Variants in C14orf180 observed in about 807,000 individuals in gnomAD.
C14orf180 encodes chromosome 14 open reading frame 180, also known as nutritionally-regulated adipose and cardiac enriched protein homolog.
Under a neutral mutation model 13.9 loss-of-function variants are expected in C14orf180, and 13 were observed. The ratio of observed to expected loss-of-function variants is 0.94; its 90% CI spans 0.61 to 1.49. The LOEUF (loss-of-function observed/expected upper bound fraction) is 1.49, where lower values mean the gene tolerates loss of function less well. C14orf180 is among the 40% of genes most tolerant of loss of function. The pLI is 0.00. For synonymous variants in C14orf180, 113 were observed against 106.3 expected, an observed-to-expected ratio of 1.06 and a Z score of -0.39; for missense variants, 238 against 232.0, an observed-to-expected ratio of 1.03 and a Z score of -0.17.
intron 1 of C14orf180, among the ~76,000 whole-genome samples, chr14:104,585,479 T>C (rs1343508065): frequency 1.3e-5 from 2 of 152,078 alleles, no homozygotes; most frequent in African/African-American, 4.8e-5. Flanking sequence ...AAATTCACAC[T>C]TGGGGGGCTC....
At position 104,588,972 on chromosome 14, in the gene C14orf180, G is replaced by A. The variant is rs1886750469; in HGVS notation, c.*189G>A. On this transcript the variant is annotated 3_prime_UTR_variant, in exon 5 of 5. Transcript: ENST00000557649. ...TCGGACATGGGGGGCACAGCAGGCG[G>A]CCCCGCCACACTAGTCAGCACAGCC... 7 of 1,254,294 alleles carry A rather than the reference G, an allele frequency of 5.6e-6. No individual in the cohort carries two copies. Among genetic ancestry groups the A allele is most frequent in the Admixed American group, 2.9e-5 (1 of 34,882 alleles). 77.7% of individuals were successfully genotyped at this position (1,254,294 alleles called of 1,614,324 possible).
Position 104,589,551 on chromosome 14 carries a change from A to T in C14orf180, c.*768A>T, listed in dbSNP as rs1037265699. On this transcript the variant is annotated 3_prime_UTR_variant, in exon 5 of 5. Transcript: ENST00000557649. This position sits in a 1 kb window ranked among gnomAD's most constrained non-coding sequence, Gnocchi z 4.9. ...CAGCTGGGGCCTGTGGGTCCCGGAG[A>T]CCGTCTGTGGTTGTGGCTTTGTCGC... The T allele has an allele frequency of 1.3e-5, 2 of 152,602 alleles. No individual in the cohort carries two copies. The highest frequency in any genetic ancestry group is 2.9e-5 in the Non-Finnish European group (2 of 68,100). 9.5% of individuals were successfully genotyped at this position (152,602 alleles called of 1,614,324 possible).
At chr14:104,583,610 C>T (rs1335704418) in intron 1 of C14orf180, among the ~76,000 whole-genome samples, 2 of 152,010 alleles carry the variant, frequency 1.3e-5, no homozygotes, top group Non-Finnish European at 2.9e-5. Flanking sequence ...GGGGGAGGTG[C>T]TGTCCCGTAG....
chr14:104,587,855 A>G lies in C14orf180; in HGVS notation c.218A>G (p.Glu73Gly). ...QRTSRRVWFR[E>G]PPAVTVHYIA... ...ACCTCGAGGCGCGTGTGGTTCCGAG[A>G]ACCCCCAGCGGTGACCGTCCACTGT... is the stretch of plus-strand genomic sequence containing the variant. Residue 73 changes from glutamate to glycine, a missense_variant, in exon 3 of 5, where the codon GAA becomes GGA. Coordinates refer to ENST00000557649, the MANE Select transcript of C14orf180 (RefSeq NM_001008404.3). 6.2e-7 allele frequency: 1 copy of G among 1,610,050 alleles called. No homozygotes were observed. The highest frequency in any genetic ancestry group is 1.1e-5 in the South Asian group (1 of 90,206).
In C14orf180 at chr14:104,580,124, G is replaced by A. The variant is rs537516268; in HGVS notation, c.-17+121G>A. The A allele has an allele frequency of 2.6e-5, 4 of 152,432 alleles. No individual in the cohort carries two copies. In the South Asian group the frequency reaches 6.2e-4, roughly 24 times the overall value. 9.4% of individuals were successfully genotyped at this position (152,432 alleles called of 1,614,324 possible). The stretch of plus-strand genomic sequence containing the variant: ...CCTGCCCCAGCTGGGCAGCAGGTGT[G>A]GGCAGAGACTGGGCAGAGCGGAGAG... On this transcript the variant is annotated intron_variant, in intron 1 of 4. Coordinates refer to ENST00000557649, the MANE Select transcript of C14orf180 (RefSeq NM_001008404.3).
rs569429659 is a variant in C14orf180, at chr14:104,587,649, A to G, written c.112-100A>G. 3.2e-6 allele frequency: 4 copies of G among 1,234,892 alleles called. No homozygotes were observed. The Admixed American group carries it at 9.1e-5, about 28-fold the overall frequency. 76.5% of individuals were successfully genotyped at this position (1,234,892 alleles called of 1,614,324 possible). On this transcript the variant is annotated intron_variant, in intron 2 of 4. Coordinates refer to ENST00000557649, the MANE Select transcript of C14orf180 (RefSeq NM_001008404.3). ...TAGCGCACCAGCCAGGACAGGGTAC[A>G]GGTTCCAGGACGGTGCTGCTGGGCC...
In C14orf180 at chr14:104,586,500, G is replaced by C. The variant is rs1234276395; in HGVS notation, c.70G>C (p.Glu24Gln). Residue 24 changes from glutamate to glutamine, a missense_variant, in exon 2 of 5, where the codon GAG becomes CAG. Transcript: ENST00000557649. ...GACACGACGTCAGACCAGAAAGAAT[G>C]AGGAGGCCGCGTGGGGCCCGCGGGT... ...PETRRQTRKN[E>Q]EAAWGPRVCR... The C allele has an allele frequency of 6.5e-7, 1 of 1,549,204 alleles. No homozygotes were observed. Among genetic ancestry groups the C allele is most frequent in the Admixed American group, 2.0e-5 (1 of 50,784 alleles).
intron 1 of C14orf180, among the ~76,000 whole-genome samples, chr14:104,582,980 C>G (rs1796932528): frequency 6.6e-6 from 1 of 152,184 alleles, no homozygotes; most frequent in Non-Finnish European, 1.5e-5. Context: ...GGTCACACCA[C>G]TTACCCGAGG....
intron 4 of C14orf180, 132 bp from the exon 5 acceptor site, chr14:104,588,446 G>A (rs1408880553): frequency 6.8e-7 from 1 of 1,479,092 alleles, no homozygotes; most frequent in African/African-American, 1.4e-5. Flanking sequence ...GTTGCAAGGA[G>A]ACCCCAAGAG....
chr14:104,588,251 T>C, intron 3 of C14orf180, 23 bp from the exon 4 acceptor site: 1 of 1,613,848 alleles, frequency 6.2e-7, no homozygotes, highest in Non-Finnish European at 8.5e-7. Context: ...TGCCCCCAGC[T>C]GACTCTCCAT....
intron 1 of C14orf180, among the ~76,000 whole-genome samples, chr14:104,583,048 G>A (rs1886491813): frequency 6.6e-6 from 1 of 152,244 alleles, no homozygotes; most frequent in South Asian, 2.1e-4. Context: ...CTTCCAGAAG[G>A]GGAAGCGTGA....
At chr14:104,588,194 T>A (rs1404048842) in intron 3 of C14orf180, 80 bp from the exon 4 acceptor site, 1 of 1,552,284 alleles carries the variant, frequency 6.4e-7, no homozygotes, top group East Asian at 2.2e-5. Flanking sequence ...CCTTCGGGGG[T>A]GCAGGGTGAG....
chr14:104,583,372 G>C (rs1289158814), intron 1 of C14orf180, among the ~76,000 whole-genome samples: 1 of 152,088 alleles, frequency 6.6e-6, no homozygotes, highest in East Asian at 1.9e-4. Context: ...TCTGTTCCTG[G>C]GCACATTCCC....
At position 104,588,802 on chromosome 14, in the gene C14orf180, CGGGCAGG is replaced by C; in HGVS notation, c.*21_*27del. On this transcript the variant is annotated 3_prime_UTR_variant, in exon 5 of 5. Coordinates refer to ENST00000557649, the MANE Select transcript of C14orf180 (RefSeq NM_001008404.3). ...GCTCTGACGGGCAGGACGGGCAGGACGGGCAGGGCTTCCAGGAGAGCTCAAGCACTCC... is the reference window on the plus strand; with the variant it reads ...GCTCTGACGGGCAGGACGGGCAGGACGCTTCCAGGAGAGCTCAAGCACTCC... 6.5e-7 allele frequency: 1 copy of C among 1,533,110 alleles called. No homozygotes were observed. The highest frequency in any genetic ancestry group is 8.7e-7 in the Non-Finnish European group (1 of 1,145,544). 95.0% of individuals were successfully genotyped at this position (1,533,110 alleles called of 1,614,324 possible). A position where few individuals can be genotyped will look rare whatever the true frequency, so the allele number is the denominator to read the frequency against.
At position 104,587,834 on chromosome 14, in the gene C14orf180, C is replaced by T. The variant is rs759555265; in HGVS notation, c.197C>T (p.Ser66Leu). ...HRPEAKPQRTSRRVWFREPPA... is the reference protein window; with the variant it reads ...HRPEAKPQRTLRRVWFREPPA... The stretch of plus-strand genomic sequence containing the variant: ...CCAGAGGCCAAGCCCCAGAGGACCT[C>T]GAGGCGCGTGTGGTTCCGAGAACCC... Residue 66 changes from serine to leucine, a missense_variant, in exon 3 of 5, where the codon TCG (serine) becomes TTG (leucine). Physicochemically the swap from Ser to Leu is moderately radical, Grantham distance 145. Coordinates refer to ENST00000557649, the MANE Select transcript of C14orf180 (RefSeq NM_001008404.3). 9.9e-6 allele frequency: 16 copies of T among 1,611,486 alleles called. No homozygotes were observed. Among genetic ancestry groups the T allele is most frequent in the East Asian group, 2.2e-5 (1 of 44,830 alleles).
At chr14:104,587,983 G>C in intron 3 of C14orf180, 105 bp downstream of exon 3, 1 of 1,391,908 alleles carries the variant, frequency 7.2e-7, no homozygotes, top group Non-Finnish European at 9.6e-7. Flanking sequence ...CCAGGACATG[G>C]GGGGGCCGTG....
chr14:104,586,689 G>C (rs1886639006), intron 2 of C14orf180, 148 bp downstream of exon 2: 1 of 414,890 alleles, frequency 2.4e-6, no homozygotes, highest in African/African-American at 2.1e-5. Flanking sequence ...ACTGAGGGCT[G>C]GGGGGAGCAG....
At position 104,588,661 on chromosome 14, in the gene C14orf180, T is replaced by C; in HGVS notation, c.361T>C (p.Tyr121His). 1.3e-6 allele frequency: 2 copies of C among 1,534,152 alleles called. No homozygotes were observed. The highest frequency in any genetic ancestry group is 8.7e-7 in the Non-Finnish European group (1 of 1,145,560). Reference protein sequence around the residue: ...CVLLVLALGLYCGRAKPVATA... With the variant: ...CVLLVLALGLHCGRAKPVATA... ...CCTGCTCGTGCTGGCCCTGGGCCTA[T>C]ACTGCGGCCGGGCCAAGCCCGTGGC... The change falls in exon 5 of 5, where the codon TAC (tyrosine) becomes CAC (histidine). Residue 121 changes from tyrosine (Y) to histidine (H), a missense_variant. Coordinates refer to ENST00000557649, the MANE Select transcript of C14orf180 (RefSeq NM_001008404.3).
At chr14:104,580,053 A>G (rs1345484371) in intron 1 of C14orf180, 50 bp downstream of exon 1, 1 of 152,404 alleles carries the variant, frequency 6.6e-6, no homozygotes, top group East Asian at 1.9e-4. Context: ...TTGGGTATGA[A>G]GATGCCAGAG....
Sources: gnomAD v4.1 joint callset for allele counts (sites outside exome capture counted in the v4.1 genomes callset) on GRCh38, gnomAD v4.1.1 for gene constraint, Gnocchi (gnomAD v3.1) non-coding constraint, MANE v1.5 for transcripts, NCBI Gene and HGNC (gene_info 2026-07-23, HGNC 2026-07-21) for gene names.